The following TPM1 variants were observed in gnomAD, a reference collection of about 807,000 sequenced individuals.
The protein encoded by TPM1 is tropomyosin alpha-1 chain.
TPM1 carries 24 observed loss-of-function variants against 42.9 expected under a neutral mutation model. That is an observed-to-expected ratio of 0.56 (90% CI 0.41 to 0.79). TPM1 has a LOEUF of 0.79. Among genes scored for constraint, TPM1 ranks in the 30% least tolerant of loss-of-function variants. The pLI is 0.00. For missense variants in TPM1, 158 were observed against 351.8 expected, an observed-to-expected ratio of 0.45 and a Z score of 4.41; for synonymous variants, 136 against 130.1, an observed-to-expected ratio of 1.05 and a Z score of -0.31.
At chr15:63,049,636 A>C (rs1414275201) in intron 2 of TPM1, among the ~76,000 whole-genome samples, 3 of 152,214 alleles carry the variant, frequency 2.0e-5, no homozygotes, top group African/African-American at 7.2e-5. Flanking sequence ...TGTGCTTAAT[A>C]TACGGGGTTG....
intron 1 of TPM1, chr15:63,043,553 T>G (rs2031652916): frequency 7.9e-7 from 1 of 1,260,060 alleles, no homozygotes; most frequent in Middle Eastern, 2.0e-4. Flanking sequence ...CGGTTCCAGC[T>G]CGGGTAAAGA....
intron 1 of TPM1, chr15:63,043,370 G>C: frequency 1.7e-6 from 1 of 577,308 alleles, no homozygotes; most frequent in South Asian, 1.5e-5. Flanking sequence ...GAGGAGAAGG[G>C]AGTCCTGGAG....
chr15:63,054,451 G>C (rs1015438297), intron 2 of TPM1: 2 of 152,284 alleles, frequency 1.3e-5, no homozygotes. Flanking sequence ...AAGATCTCAT[G>C]TGCAAGGCTG....
At chr15:63,069,817 A>G, downstream of TPM1, 3 of 1,612,236 alleles carry the variant, frequency 1.9e-6, no homozygotes, top group African/African-American at 4.0e-5. Context: ...CAAGTCTGCT[A>G]ACCTGTCTTC....
At position 63,059,712 on chromosome 15, in the gene TPM1, A is replaced by T. The variant is rs201539501; in HGVS notation, c.492+32A>T. On this transcript the variant is annotated intron_variant, in intron 4 of 9. Transcript: ENST00000403994. Reference sequence around the variant, plus strand: ...TCCTGGGGCCCAAAGCCTTGTGGACACCCAGCAGTGGCCTTCAGGAAGCCA... The same window carrying T: ...TCCTGGGGCCCAAAGCCTTGTGGACTCCCAGCAGTGGCCTTCAGGAAGCCA... 2.7e-5 allele frequency: 40 copies of T among 1,506,768 alleles called. No homozygotes were observed. In the East Asian group the frequency reaches 8.6e-4, roughly 32 times the overall value. The allele number at this position is 1,506,768 out of a possible 1,614,324, so 93.3% of individuals were successfully genotyped here. A position where few individuals can be genotyped will look rare whatever the true frequency, so the allele number is the denominator to read the frequency against.
At chr15:63,055,109 T>TAC (rs1311113949) in intron 2 of TPM1, among the ~76,000 whole-genome samples, 2 of 151,678 alleles carry the variant, frequency 1.3e-5, no homozygotes, top group Admixed American at 6.6e-5. Context: ...CACCCTTCAA[T>TAC]ACACACACAC....
intron 2 of TPM1, among the ~76,000 whole-genome samples, chr15:63,049,981 C>G (rs1440153086): frequency 6.6e-6 from 1 of 152,172 alleles, no homozygotes; most frequent in Non-Finnish European, 1.5e-5. Flanking sequence ...CCCAGACTGT[C>G]AGAACTTGAA....
chr15:63,059,840 C>T (rs1181147097), intron 4 of TPM1, 160 bp downstream of exon 4: 1 of 544,120 alleles, frequency 1.8e-6, no homozygotes, highest in Non-Finnish European at 3.4e-6. Context: ...GAAAACGGTT[C>T]TAATTTTAAT....
Position 63,042,782 on chromosome 15 carries a change from C to A in TPM1, c.-48C>A. ...CCGCTCCTCCGCCCGACCGCGCGCT[C>A]GCCCCGCCGCTCCTGCTGCAGCCCC... On this transcript the variant is annotated 5_prime_UTR_variant, in exon 1 of 10. Transcript: ENST00000403994. The A allele has an allele frequency of 6.5e-7, 1 of 1,540,454 alleles. No individual in the cohort carries two copies. The highest frequency in any genetic ancestry group is 8.9e-7 in the Non-Finnish European group (1 of 1,119,964).
chr15:63,054,776 G>A (rs1256573615), intron 2 of TPM1, among the ~76,000 whole-genome samples: 5 of 152,182 alleles, frequency 3.3e-5, no homozygotes, highest in Admixed American at 3.3e-4. Context: ...GTGCTTTTGA[G>A]TACATAACCT....
intron 2 of TPM1, among the ~76,000 whole-genome samples, chr15:63,053,530 C>T (rs553132337): frequency 1.8e-4 from 27 of 152,180 alleles, no homozygotes; most frequent in African/African-American, 4.3e-4. Flanking sequence ...TCCCTCCTGC[C>T]GCCTGTTTCT....
chr15:63,055,150 C>G (rs1324269401), intron 2 of TPM1, among the ~76,000 whole-genome samples: 2 of 152,190 alleles, frequency 1.3e-5, no homozygotes, highest in African/African-American at 2.4e-5. Flanking sequence ...GCCAGTAATT[C>G]CTAGCTGGGT....
At chr15:63,057,153 C>A in intron 3 of TPM1, 35 bp downstream of exon 3, 1 of 1,613,150 alleles carries the variant, frequency 6.2e-7, no homozygotes, top group Non-Finnish European at 8.5e-7. Context: ...TTTGCAGCTG[C>A]CTTTCCTGGT....
Position 63,062,828 on chromosome 15 carries a change from C to T in TPM1, c.772+183C>T, listed in dbSNP as rs182481458. The T allele has an allele frequency of 1.6e-5, 25 of 1,533,816 alleles. No individual in the cohort carries two copies. The South Asian group carries it at 1.9e-4, about 12-fold the overall frequency. On this transcript the variant is annotated intron_variant, in intron 8 of 9. Transcript: ENST00000403994. ...CTCATGAACCTAAGTCTTCTGCTCACGAGGTGACTAGTTAGCCACCAGCCA... is the reference window on the plus strand; with the variant it reads ...CTCATGAACCTAAGTCTTCTGCTCATGAGGTGACTAGTTAGCCACCAGCCA...
intron 2 of TPM1, chr15:63,045,862 G>C (rs1479444203): frequency 6.6e-6 from 1 of 152,128 alleles, no homozygotes; most frequent in Non-Finnish European, 1.5e-5. Flanking sequence ...TTTCCCACCG[G>C]GAAACTGCCC....
intron 2 of TPM1, 166 bp downstream of exon 2, chr15:63,044,318 C>T (rs2031922369): frequency 2.2e-6 from 2 of 927,546 alleles, no homozygotes; most frequent in South Asian, 2.8e-5. Context: ...ACTGCTACTG[C>T]ACACATTCAT....
rs774356792 is a variant in TPM1, at chr15:63,071,188, C to T, written c.*16C>T. The T allele has an allele frequency of 2.1e-5, 33 of 1,591,024 alleles. No homozygotes were observed. The South Asian group carries it at 3.0e-4, about 15-fold the overall frequency. On this transcript the variant is annotated 3_prime_UTR_variant, in exon 9 of 9. Transcript: ENST00000267996. ...CAACATGTGAAAACCTCCTTAGCTG[C>T]GACCACATTCTTTCGTTTTGTTTTG...
In TPM1 at chr15:63,043,792, G is replaced by A. The variant is rs914524011; in HGVS notation, c.115-235G>A. The A allele has an allele frequency of 2.7e-5, 42 of 1,549,758 alleles. No individual in the cohort carries two copies. Among genetic ancestry groups the A allele is most frequent in the Middle Eastern group, 1.7e-4 (1 of 5,978 alleles). On this transcript the variant is annotated intron_variant, in intron 1 of 9. Coordinates refer to ENST00000403994, the MANE Select transcript of TPM1 (RefSeq NM_001018005.2). ...GGGTGCTGGAGGAGCTGCACAAGGC[G>A]GAGGACAGCCTCCTGGCCGCCGAAG...
intron 2 of TPM1, chr15:63,056,667 AAAAACAAAAC>A (rs10603464): frequency 2.0e-5 from 7 of 353,572 alleles, no homozygotes; most frequent in Admixed American, 8.0e-5. Flanking sequence ...ACCCTGTCTC[AAAAACAAAAC>A]AAAACAAAAC....
Sources: allele counts gnomAD v4.1 joint callset (sites outside exome capture counted in the v4.1 genomes callset), GRCh38; gene constraint gnomAD v4.1.1; transcripts MANE v1.5; gene names NCBI Gene and HGNC (gene_info 2026-07-23, HGNC 2026-07-21).